Variants in SETBP1 observed in about 807,000 individuals in gnomAD.
The protein encoded by SETBP1 is SET binding protein 1, also known as SET-binding protein.
A neutral mutation model predicts 101.0 loss-of-function variants in SETBP1; 9 were observed. That is an observed-to-expected ratio of 0.09 (90% CI 0.05 to 0.16). The LOEUF (loss-of-function observed/expected upper bound fraction) is 0.16. Ranked by LOEUF, SETBP1 falls within the 10% of genes least tolerant of loss-of-function variation. The pLI is 1.00. For missense variants in SETBP1, 1,858 were observed against 2,033.8 expected (o/e 0.91, Z 1.66); for synonymous variants, 818 against 788.5 (o/e 1.04, Z -0.63).
chr18:44,744,943 A>G (rs2070201766), intron 2 of SETBP1, among the ~76,000 whole-genome samples: 1 of 152,020 alleles, frequency 6.6e-6, no homozygotes, highest in African/African-American at 2.4e-5. Flanking sequence ...CTTTGTGTGG[A>G]CGTGGGGCTC....
At chr18:44,880,910 T>C (rs561309444) in intron 3 of SETBP1, among the ~76,000 whole-genome samples, 8 of 152,264 alleles carry the variant, frequency 5.3e-5, no homozygotes, top group South Asian at 4.2e-4. Context: ...ATATCCAAAC[T>C]ATATCAAGCA....
chr18:45,062,326 G>A (rs1049090797), intron 5 of SETBP1, among the ~76,000 whole-genome samples: 1 of 152,180 alleles, frequency 6.6e-6, no homozygotes, highest in Non-Finnish European at 1.5e-5. Flanking sequence ...GAAACACCTG[G>A]CTGATACTTC....
chr18:44,760,249 T>C (rs1400064113), intron 2 of SETBP1, among the ~76,000 whole-genome samples: 1 of 152,196 alleles, frequency 6.6e-6, no homozygotes, highest in Non-Finnish European at 1.5e-5. Context: ...AGAGGCCTCC[T>C]CTCATCAGGT....
intron 4 of SETBP1, chr18:44,987,682 GT>G (rs1410695394): frequency 6.6e-6 from 1 of 152,146 alleles, no homozygotes; most frequent in Non-Finnish European, 1.5e-5. Flanking sequence ...TTGGTTCTCC[GT>G]GAAGATAAAG....
intron 2 of SETBP1, among the ~76,000 whole-genome samples, chr18:44,780,784 G>A (rs2071112250): frequency 6.6e-6 from 1 of 152,158 alleles, no homozygotes; most frequent in African/African-American, 2.4e-5. Context: ...TAAGGCAGAG[G>A]GACCAGCATA....
chr18:44,794,305 G>A (rs192820164), intron 2 of SETBP1, among the ~76,000 whole-genome samples: 5 of 152,138 alleles, frequency 3.3e-5, no homozygotes, highest in African/African-American at 9.7e-5. Context: ...CTGAATTTTT[G>A]ATGCACTAAG....
At chr18:44,772,152 A>AT (rs1568135280) in intron 2 of SETBP1, among the ~76,000 whole-genome samples, 1 of 151,440 alleles carries the variant, frequency 6.6e-6, no homozygotes, top group Non-Finnish European at 1.5e-5. Context: ...TGTGAGTTTG[A>AT]TCTTCTGTGA....
intron 1 of SETBP1, among the ~76,000 whole-genome samples, chr18:44,694,831 A>T (rs576743331): frequency 6.6e-6 from 1 of 152,238 alleles, no homozygotes; most frequent in Admixed American, 6.5e-5. Flanking sequence ...GAACAATATC[A>T]GGAAAATTAG....
chr18:44,858,511 TACTC>T (rs1431916819), intron 2 of SETBP1, among the ~76,000 whole-genome samples: 1 of 152,264 alleles, frequency 6.6e-6, no homozygotes, highest in African/African-American at 2.4e-5. Flanking sequence ...TCTTTGAAAA[TACTC>T]AGTAATATTT....
intron 3 of SETBP1, among the ~76,000 whole-genome samples, chr18:44,930,213 A>G (rs1046362453): frequency 6.6e-6 from 1 of 152,002 alleles, no homozygotes; most frequent in Non-Finnish European, 1.5e-5. Context: ...TTTGTCTTTG[A>G]TTCTGTTTAT....
At position 44,792,078 on chromosome 18, in the gene SETBP1, T is replaced by TTGGGTGAG. The variant is rs2071383293; in HGVS notation, c.487-77151_487-77144dup. Among the ~76,000 whole-genome samples the TTGGGTGAG allele has an allele frequency of 2.0e-5, 3 of 152,234 alleles. No homozygotes were observed. The South Asian group carries it at 6.2e-4, about 32-fold the overall frequency. On this transcript the variant is annotated intron_variant, in intron 2 of 5. Transcript: ENST00000649279. ...GATCTAACAATTCTGCTTTTGGGCT[T>TTGGGTGAG]TGGGTGAGGATTAGATTTAATTTGT...
At chr18:44,730,026 A>C (rs1049543451) in intron 2 of SETBP1, among the ~76,000 whole-genome samples, 14 of 152,174 alleles carry the variant, frequency 9.2e-5, no homozygotes, top group African/African-American at 3.4e-4. Context: ...AGGTCTAGCT[A>C]TGCATCTGTG....
chr18:44,921,720 T>C (rs946009592), intron 3 of SETBP1, among the ~76,000 whole-genome samples: 2 of 152,156 alleles, frequency 1.3e-5, no homozygotes, highest in African/African-American at 4.8e-5. Flanking sequence ...GTAACTGTAC[T>C]GTAAGCCTGA....
chr18:44,938,243 CA>C (rs1218128026), intron 3 of SETBP1, among the ~76,000 whole-genome samples: 2 of 152,226 alleles, frequency 1.3e-5, no homozygotes, highest in African/African-American at 4.8e-5. Flanking sequence ...GCTCCCCCAC[CA>C]GGAGCGTCCT....
At chr18:44,892,263 T>G (rs1369880847) in intron 3 of SETBP1, among the ~76,000 whole-genome samples, 1 of 152,158 alleles carries the variant, frequency 6.6e-6, no homozygotes, top group African/African-American at 2.4e-5. Context: ...CACAAAGGCC[T>G]AGCTGTTTCG....
intron 2 of SETBP1, among the ~76,000 whole-genome samples, chr18:44,840,539 C>G (rs1370606974): frequency 6.6e-6 from 1 of 152,220 alleles, no homozygotes; most frequent in Non-Finnish European, 1.5e-5. Context: ...ATGGTAATGA[C>G]ATTTTACATC....
At chr18:45,007,056 A>C (rs934985370) in intron 4 of SETBP1, among the ~76,000 whole-genome samples, 5 of 152,164 alleles carry the variant, frequency 3.3e-5, no homozygotes, top group Non-Finnish European at 4.4e-5. Context: ...CACTTCCCCC[A>C]GTTATAAACC....
At chr18:44,755,628 G>A (rs969838146) in intron 2 of SETBP1, among the ~76,000 whole-genome samples, 6 of 152,088 alleles carry the variant, frequency 3.9e-5, no homozygotes, top group Non-Finnish European at 7.4e-5. Flanking sequence ...TTGTTCTGAG[G>A]CTTTTGGACT....
At chr18:44,972,312 T>C (rs1196633849) in intron 4 of SETBP1, among the ~76,000 whole-genome samples, 1 of 152,196 alleles carries the variant, frequency 6.6e-6, no homozygotes, top group Non-Finnish European at 1.5e-5. Context: ...GGTAGTGTGA[T>C]GCCTCCAGCT....
Sources: gnomAD v4.1 joint callset for allele counts (sites outside exome capture counted in the v4.1 genomes callset) on GRCh38, gnomAD v4.1.1 for gene constraint, MANE v1.5 for transcripts, NCBI Gene and HGNC (gene_info 2026-07-23, HGNC 2026-07-21) for gene names.